ULK4: variants seen among roughly 807,000 people sequenced by gnomAD.
ULK4 encodes the protein unc-51 like kinase 4.
ULK4 carries 133 observed loss-of-function variants against 160.6 expected under a neutral mutation model. The observed-to-expected ratio is 0.83, with a 90% CI of 0.72 to 0.96. The LOEUF (loss-of-function observed/expected upper bound fraction) is 0.96, where lower values mean the gene tolerates loss of function less well. Ranked by LOEUF, ULK4 falls within the 40% of genes least tolerant of loss-of-function variation. ULK4 has a pLI of 0.00. For missense variants in ULK4, 1,580 were observed against 1,499.5 expected, an observed-to-expected ratio of 1.05 and a Z score of -0.89; for synonymous variants, 534 against 539.8, an observed-to-expected ratio of 0.99 and a Z score of 0.15.
chr3:41,825,677 G>A (rs535753500), intron 18 of ULK4, among the ~76,000 whole-genome samples: 21 of 152,310 alleles, frequency 1.4e-4, no homozygotes, highest in African/African-American at 4.6e-4. Context: ...CCAAATCTAC[G>A]TCTGATTGGT....
At chr3:41,908,965 C>T (rs537658353) in intron 11 of ULK4, among the ~76,000 whole-genome samples, 1 of 151,834 alleles carries the variant, frequency 6.6e-6, no homozygotes, top group African/African-American at 2.4e-5. Flanking sequence ...TGGTAGCAGG[C>T]ACCTGTAATC....
chr3:41,310,041 C>T (rs1039747367), intron 35 of ULK4, among the ~76,000 whole-genome samples: 1 of 152,174 alleles, frequency 6.6e-6, no homozygotes, highest in African/African-American at 2.4e-5. Flanking sequence ...GGCTAGAAAC[C>T]TTGATGAACT....
At chr3:41,650,263 C>T (rs1479424560) in intron 30 of ULK4, among the ~76,000 whole-genome samples, 1 of 152,190 alleles carries the variant, frequency 6.6e-6, no homozygotes, top group Admixed American at 6.5e-5. Flanking sequence ...CACCAAATGC[C>T]AGGACTGAAA....
intron 32 of ULK4, among the ~76,000 whole-genome samples, chr3:41,503,466 A>G (rs2085278181): frequency 6.6e-6 from 1 of 152,206 alleles, no homozygotes; most frequent in East Asian, 1.9e-4. Context: ...CACTTCACAT[A>G]TCATTTATAC....
At chr3:41,368,575 G>A (rs1174296352) in intron 35 of ULK4, among the ~76,000 whole-genome samples, 1 of 152,144 alleles carries the variant, frequency 6.6e-6, no homozygotes, top group Admixed American at 6.5e-5. Context: ...TAGATTTGTA[G>A]ATTCCACATA....
chr3:41,542,174 A>G (rs942970771), intron 32 of ULK4, among the ~76,000 whole-genome samples: 2 of 152,170 alleles, frequency 1.3e-5, no homozygotes, highest in African/African-American at 2.4e-5. Context: ...AGCTGTTATT[A>G]TTTTGAGATA....
chr3:41,546,244 G>A (rs1221836277), intron 32 of ULK4, among the ~76,000 whole-genome samples: 1 of 151,892 alleles, frequency 6.6e-6, no homozygotes, highest in African/African-American at 2.4e-5. Flanking sequence ...TTTGTTCTGG[G>A]CGGCAGTTAA....
chr3:41,865,157 C>G (rs2042587797), intron 17 of ULK4, among the ~76,000 whole-genome samples: 1 of 151,652 alleles, frequency 6.6e-6, no homozygotes, highest in Admixed American at 6.6e-5. Flanking sequence ...CTGTAATCCC[C>G]AGCTACTTGG....
chr3:41,900,465 G>GT (rs1698312177), intron 13 of ULK4, among the ~76,000 whole-genome samples: 1 of 152,208 alleles, frequency 6.6e-6, no homozygotes, highest in Non-Finnish European at 1.5e-5. Context: ...GGAAGAAGCA[G>GT]TAGTGAGAGG....
intron 32 of ULK4, among the ~76,000 whole-genome samples, chr3:41,475,839 T>C (rs2084124957): frequency 6.6e-6 from 1 of 151,824 alleles, no homozygotes; most frequent in Non-Finnish European, 1.5e-5. Context: ...CCCTACTGTT[T>C]CAGAATTTGC....
intron 35 of ULK4, among the ~76,000 whole-genome samples, chr3:41,353,699 TTACTACTACTACTACTACTAC>T (rs4016416): frequency 2.6e-4 from 38 of 143,958 alleles, no homozygotes; most frequent in East Asian, 1.0e-3. Flanking sequence ...ATAATTACAA[TTACTACTACTACTACTACTAC>T]TACTACTACT....
chr3:41,649,361 T>A (rs1429402912), intron 30 of ULK4, among the ~76,000 whole-genome samples: 2 of 151,410 alleles, frequency 1.3e-5, no homozygotes, highest in Non-Finnish European at 3.0e-5. Context: ...CCCTACTGAG[T>A]CAGCAGGGCA....
At chr3:41,711,764 CAT>C (rs2125837495) in intron 25 of ULK4, among the ~76,000 whole-genome samples, 1 of 152,282 alleles carries the variant, frequency 6.6e-6, no homozygotes, top group South Asian at 2.1e-4. Context: ...TTCAAAAGGA[CAT>C]AGGAAATATA....
In ULK4 at chr3:41,364,347, T is replaced by C. The variant is rs76678895; in HGVS notation, c.3678+33732A>G. 9.9e-3 allele frequency among the ~76,000 whole-genome samples: 1,512 copies of C among 152,332 alleles called. 19 individuals are homozygous for C. The highest frequency in any genetic ancestry group is 0.034 in the African/African-American group (1,419 of 41,578). On this transcript the variant is annotated intron_variant, in intron 35 of 36. Transcript: ENST00000301831. ...TTCCTGACCTTTGCCCCTGAACTGA[T>C]TGATCAGCAACAACACTGGCCCACC...
chr3:41,681,888 G>A, intron 27 of ULK4, 84 bp from the exon 28 acceptor site: 1 of 1,477,254 alleles, frequency 6.8e-7, no homozygotes. Flanking sequence ...TCCACAGACA[G>A]AATCCCTAAT....
At chr3:41,585,376 G>A (rs62256954) in intron 31 of ULK4, among the ~76,000 whole-genome samples, 30,090 of 151,934 alleles carry the variant, frequency 0.2, 3,254 homozygotes, top group Middle Eastern at 0.27. Flanking sequence ...GCGCATATAT[G>A]GCCAATCTTT....
At chr3:41,608,164 G>T (rs759833224) in intron 31 of ULK4, among the ~76,000 whole-genome samples, 1 of 151,942 alleles carries the variant, frequency 6.6e-6, no homozygotes, top group African/African-American at 2.4e-5. Context: ...AATTTCACCC[G>T]GTAGAACTAT....
chr3:41,548,439 T>C (rs937337907), intron 32 of ULK4, among the ~76,000 whole-genome samples: 4 of 151,876 alleles, frequency 2.6e-5, no homozygotes, highest in African/African-American at 9.7e-5. Context: ...ACAAAAGACA[T>C]AGCCTACCTG....
chr3:41,368,548 C>T (rs2081298263), intron 35 of ULK4, among the ~76,000 whole-genome samples: 2 of 152,218 alleles, frequency 1.3e-5, no homozygotes, highest in South Asian at 4.1e-4. Flanking sequence ...TAGCCTCCAG[C>T]AACCACAATC....
Sources: gnomAD v4.1 joint callset for allele counts (sites outside exome capture counted in the v4.1 genomes callset) on GRCh38, gnomAD v4.1.1 for gene constraint, MANE v1.5 for transcripts, NCBI Gene and HGNC (gene_info 2026-07-23, HGNC 2026-07-21) for gene names.